Variants in THUMPD2 observed in about 807,000 individuals in gnomAD.
THUMPD2 encodes U6 snRNA (guanine-N(2))-methyltransferase THUMPD2.
In THUMPD2, 56 loss-of-function variants were observed where a neutral mutation model predicts 49.4. That is an observed-to-expected ratio of 1.13 (90% confidence interval 0.91 to 1.41). The LOEUF is 1.41. Among genes scored for constraint, THUMPD2 ranks in the 40% most tolerant of loss-of-function variants. The pLI is 0.00. For missense variants in THUMPD2, 709 were observed against 594.5 expected (o/e 1.19, Z -2.00); for synonymous variants, 237 against 205.2 (o/e 1.15, Z -1.32).
At chr2:39,756,534 T>C (rs1329241907) in intron 6 of THUMPD2, among the ~76,000 whole-genome samples, 7 of 150,568 alleles carry the variant, frequency 4.6e-5, no homozygotes, top group Admixed American at 2.6e-4. Context: ...AAATACAAGC[T>C]GTGAAGGAGG....
chr2:39,768,365 G>C, intron 4 of THUMPD2, 59 bp downstream of exon 4: 1 of 1,359,358 alleles, frequency 7.4e-7, no homozygotes, highest in Non-Finnish European at 1.0e-6. Context: ...TAAGAATACA[G>C]GACACTGTCT....
Position 39,771,560 on chromosome 2 carries a change from T to C in THUMPD2, c.207A>G (p.Arg69=). 1 of 1,607,756 alleles carries C rather than the reference T, an allele frequency of 6.2e-7. No homozygotes were observed. The highest frequency in any genetic ancestry group is 1.3e-5 in the African/African-American group (1 of 74,610). The change falls in exon 2 of 10, where the codon AGA becomes AGG. Residue 69 remains arginine (R), a synonymous_variant. Transcript: ENST00000505747. ...ACTGCTTTTTAATCAGCAAAAATAA[T>C]CTTTCTGCAGATTTTAATTTCTTCA... ...NMLKKLKSAE[R]LFLLIKKQFP... is the part of the protein sequence containing the mutation.
chr2:39,770,270 T>C (rs1678133308), intron 2 of THUMPD2, 151 bp from the exon 3 acceptor site: 4 of 556,282 alleles, frequency 7.2e-6, no homozygotes, highest in Non-Finnish European at 1.1e-5. Context: ...GGAGTTCATA[T>C]TCCATTTACC....
Position 39,768,414 on chromosome 2 carries a change from T to C in THUMPD2, c.750+10A>G. The C allele has an allele frequency of 6.2e-7, 1 of 1,601,360 alleles. No individual in the cohort carries two copies. Among genetic ancestry groups the C allele is most frequent in the Non-Finnish European group, 8.5e-7 (1 of 1,170,998 alleles). ...TTACAAGTATATAAAATAAAACAAATACTCATTACCTCTAATTGTGGATTC... is the reference window on the plus strand; with the variant it reads ...TTACAAGTATATAAAATAAAACAAACACTCATTACCTCTAATTGTGGATTC... On this transcript the variant is annotated intron_variant, in intron 4 of 9. Transcript: ENST00000505747.
rs551659559 is a variant in THUMPD2 at position 39,737,066 on chromosome 2, C to CA, written c.1188-8dup. 3.4e-3 allele frequency: 4,495 copies of CA among 1,311,876 alleles called. No homozygotes were observed. The highest frequency in any genetic ancestry group is 7.1e-3 in the South Asian group (461 of 65,122). The allele number at this position is 1,311,876 out of a possible 1,614,324, so 81.3% of individuals were successfully genotyped here. A position where few individuals can be genotyped will look rare whatever the true frequency, so the allele number is the denominator to read the frequency against. On this transcript the variant is annotated splice_polypyrimidine_tract_variant and splice_region_variant and intron_variant, in intron 9 of 9. Coordinates refer to ENST00000505747, the MANE Select transcript of THUMPD2 (RefSeq NM_025264.5). ...TCCGCCAACATGAAGCACTCTGTGA[C>CA]AAAAAAAAAATGGTAATTGCTATCT...
chr2:39,769,652 G>T, intron 3 of THUMPD2, 58 bp downstream of exon 3: 1 of 1,450,884 alleles, frequency 6.9e-7, no homozygotes. Context: ...CAGTGAGCCA[G>T]ATTGTGCAAC....
chr2:39,747,776 T>C (rs1009004723), intron 8 of THUMPD2, among the ~76,000 whole-genome samples: 16 of 152,182 alleles, frequency 1.1e-4, no homozygotes, highest in African/African-American at 2.9e-4. Context: ...ATTTCAGCCT[T>C]CCAGTTCACA....
intron 9 of THUMPD2, among the ~76,000 whole-genome samples, chr2:39,738,162 G>A (rs1176164497): frequency 3.3e-5 from 5 of 152,158 alleles, no homozygotes; most frequent in African/African-American, 4.8e-5. Context: ...AAAAAGTGAC[G>A]GAGGAGAAGA....
At chr2:39,761,918 G>T (rs1676874874) in intron 5 of THUMPD2, among the ~76,000 whole-genome samples, 1 of 152,126 alleles carries the variant, frequency 6.6e-6, no homozygotes, top group Non-Finnish European at 1.5e-5. Flanking sequence ...AATGAAGCAT[G>T]ACATTGCATT....
At chr2:39,774,123 C>G (rs910252798) in intron 1 of THUMPD2, among the ~76,000 whole-genome samples, 2 of 152,168 alleles carry the variant, frequency 1.3e-5, no homozygotes, top group African/African-American at 4.8e-5. Context: ...TGTGAGTGTG[C>G]CAGGCAATGG....
At position 39,736,678 on chromosome 2, in the gene THUMPD2, C is replaced by T; in HGVS notation, c.*57G>A. The T allele has an allele frequency of 6.8e-7, 1 of 1,481,198 alleles. No individual in the cohort carries two copies. The highest frequency in any genetic ancestry group is 9.1e-7 in the Non-Finnish European group (1 of 1,102,030). The allele number at this position is 1,481,198 out of a possible 1,614,324, so 91.8% of individuals were successfully genotyped here. A position where few individuals can be genotyped will look rare whatever the true frequency, so the allele number is the denominator to read the frequency against. On this transcript the variant is annotated 3_prime_UTR_variant, in exon 10 of 10. Coordinates refer to ENST00000505747, the MANE Select transcript of THUMPD2 (RefSeq NM_025264.5). ...CTATATGAATCCTAGAGACAGCAAA[C>T]TTCTGCTGTACAGCTAACTTACAAG...
intron 9 of THUMPD2, among the ~76,000 whole-genome samples, chr2:39,743,307 T>C (rs1046543659): frequency 2.6e-5 from 4 of 152,220 alleles, no homozygotes; most frequent in Non-Finnish European, 4.4e-5. Context: ...TGTTCTCTTC[T>C]TCACCAATTT....
chr2:39,757,798 C>A (rs1239292753), intron 6 of THUMPD2, among the ~76,000 whole-genome samples: 1 of 152,160 alleles, frequency 6.6e-6, no homozygotes, highest in African/African-American at 2.4e-5. Context: ...AAATAACAAA[C>A]ATCCCATTTT....
At chr2:39,757,573 C>T (rs1676305741) in intron 6 of THUMPD2, among the ~76,000 whole-genome samples, 1 of 152,204 alleles carries the variant, frequency 6.6e-6, no homozygotes, top group South Asian at 2.1e-4. Flanking sequence ...TGTGCTCCTT[C>T]TCTCCCATGG....
chr2:39,769,765 G>A lies in THUMPD2; in HGVS notation c.617C>T (p.Thr206Ile). The change falls in exon 3 of 10, where the codon ACT becomes ATT. Residue 206 changes from threonine (T) to isoleucine (I), a missense_variant. Transcript: ENST00000505747. ...ACTGCAGCGACAAGATACTCTGAAA[G>A]TCAAGTCATTCTGATTATGAGTATC... ...AIDTHNQNDL[T>I]FRVSCRCSGT... is the part of the protein sequence containing the mutation. 6 of 1,595,926 alleles carry A rather than the reference G, an allele frequency of 3.8e-6. No homozygotes were observed. Among genetic ancestry groups the A allele is most frequent in the Non-Finnish European group, 4.3e-6 (5 of 1,174,562 alleles).
intron 8 of THUMPD2, among the ~76,000 whole-genome samples, chr2:39,748,498 T>C (rs111622381): frequency 0.027 from 4,086 of 151,278 alleles, 173 homozygotes; most frequent in African/African-American, 0.093. Context: ...GTCAAGAGAT[T>C]GAGACCATCC....
At chr2:39,772,023 GAATTA>G (rs1056838175) in intron 1 of THUMPD2, among the ~76,000 whole-genome samples, 98 of 152,196 alleles carry the variant, frequency 6.4e-4, no homozygotes, top group African/African-American at 2.4e-3. Flanking sequence ...ACAATAACTT[GAATTA>G]AATCCAGAAG....
intron 6 of THUMPD2, 77 bp from the exon 7 acceptor site, chr2:39,756,037 A>T: frequency 7.6e-7 from 1 of 1,317,562 alleles, no homozygotes. Flanking sequence ...AAACTTGAGG[A>T]ATCAATATTT....
chr2:39,740,004 A>G (rs891512747), intron 9 of THUMPD2, among the ~76,000 whole-genome samples: 6 of 152,206 alleles, frequency 3.9e-5, no homozygotes, highest in Admixed American at 6.5e-5. Context: ...CAGTGATAAT[A>G]ATGGTGATAT....
Sources: gnomAD v4.1 joint callset for allele counts (sites outside exome capture counted in the v4.1 genomes callset) on GRCh38, gnomAD v4.1.1 for gene constraint, MANE v1.5 for transcripts, NCBI Gene and HGNC (gene_info 2026-07-23, HGNC 2026-07-21) for gene names.